CAMK4: variants seen among roughly 807,000 people sequenced by gnomAD.
The protein encoded by CAMK4 is calcium/calmodulin-dependent protein kinase type IV.
CAMK4 carries 22 observed loss-of-function variants against 44.9 expected under a neutral mutation model. The ratio of observed to expected loss-of-function variants is 0.49; its 90% CI spans 0.35 to 0.70. The LOEUF (loss-of-function observed/expected upper bound fraction) is 0.70, where lower values mean the gene tolerates loss of function less well. Among genes scored for constraint, CAMK4 ranks in the 30% least tolerant of loss-of-function variants. CAMK4 has a pLI of 0.01. For missense variants in CAMK4, 498 were observed against 586.8 expected (o/e 0.85, Z 1.56); for synonymous variants, 218 against 215.4 (o/e 1.01, Z -0.11).
intron 1 of CAMK4, among the ~76,000 whole-genome samples, chr5:111,334,667 A>T (rs997325102): frequency 6.6e-6 from 1 of 151,582 alleles, no homozygotes; most frequent in Non-Finnish European, 1.5e-5. Context: ...ATAGAGTTGC[A>T]CACATTATAT....
At chr5:111,457,053 A>T (rs539936697) in intron 7 of CAMK4, among the ~76,000 whole-genome samples, 1 of 152,202 alleles carries the variant, frequency 6.6e-6, no homozygotes, top group East Asian at 1.9e-4. Context: ...ATGGAGGTCA[A>T]TGAGCTGCTC....
intron 7 of CAMK4, among the ~76,000 whole-genome samples, chr5:111,460,029 G>C (rs890775387): frequency 1.3e-5 from 2 of 151,960 alleles, no homozygotes; most frequent in Non-Finnish European, 2.9e-5. Context: ...GATGATGGGA[G>C]GAAAAGAGGT....
At chr5:111,357,948 C>A (rs2112789746) in intron 2 of CAMK4, 1 of 152,104 alleles carries the variant, frequency 6.6e-6, no homozygotes, top group East Asian at 1.9e-4. Context: ...AATTCCAAAT[C>A]TGGGCATTTT....
intron 4 of CAMK4, among the ~76,000 whole-genome samples, chr5:111,383,602 G>A (rs1751493119): frequency 6.6e-6 from 1 of 150,680 alleles, no homozygotes; most frequent in Non-Finnish European, 1.5e-5. Flanking sequence ...GGAATTAGAT[G>A]TGTTACAAGA....
At chr5:111,279,907 G>A (rs2086724901) in intron 1 of CAMK4, among the ~76,000 whole-genome samples, 1 of 152,184 alleles carries the variant, frequency 6.6e-6, no homozygotes, top group South Asian at 2.1e-4. Context: ...GCTAAATTTA[G>A]TGGGTGGTAG....
intron 1 of CAMK4, among the ~76,000 whole-genome samples, chr5:111,256,321 C>G (rs900838555): frequency 7.9e-5 from 12 of 152,018 alleles, no homozygotes; most frequent in African/African-American, 2.9e-4. Context: ...CAAAGAGGAA[C>G]ATGAGTGATA....
At position 111,406,124 on chromosome 5, in the gene CAMK4, T is replaced by C. The variant is rs557388296; in HGVS notation, c.459+11342T>C. Among the ~76,000 whole-genome samples the C allele has an allele frequency of 6.1e-4, 92 of 152,042 alleles. 3 individuals carry two copies. Among genetic ancestry groups the C allele is most frequent in the Middle Eastern group, 6.8e-3 (2 of 294 alleles). On this transcript the variant is annotated intron_variant, in intron 5 of 10. Coordinates refer to ENST00000282356, the MANE Select transcript of CAMK4 (RefSeq NM_001744.6). ...TTTATAAGGTTTTATCTCATTCTCT[T>C]CTATCTGGTCTAGTAGTTCCTCTGA...
chr5:111,298,671 A>C (rs1204651837), intron 1 of CAMK4, among the ~76,000 whole-genome samples: 1 of 152,174 alleles, frequency 6.6e-6, no homozygotes, highest in Non-Finnish European at 1.5e-5. Flanking sequence ...TCATAACTGA[A>C]GAAGCACAAG....
In CAMK4 at chr5:111,454,001, C is replaced by T. The variant is rs190060148; in HGVS notation, c.625+4798C>T. Among the ~76,000 whole-genome samples, 748 of 151,642 alleles carry T rather than the reference C, an allele frequency of 4.9e-3. 5 individuals carry two copies. The highest frequency in any genetic ancestry group is 0.017 in the African/African-American group (710 of 40,948). ...TGTGAAAGGCATGCTCCAGGCTGGA[C>T]GCTTTCTTATCTTTCAGAATTAACA... is the stretch of plus-strand genomic sequence containing the variant. On this transcript the variant is annotated intron_variant, in intron 7 of 10. Transcript: ENST00000282356.
chr5:111,400,206 T>C (rs1024285099), intron 5 of CAMK4, among the ~76,000 whole-genome samples: 1 of 152,172 alleles, frequency 6.6e-6, no homozygotes, highest in African/African-American at 2.4e-5. Context: ...AGAAGCTTTA[T>C]AAAAATCAGA....
chr5:111,271,882 G>A (rs1750531498), intron 1 of CAMK4, among the ~76,000 whole-genome samples: 1 of 152,096 alleles, frequency 6.6e-6, no homozygotes, highest in Admixed American at 6.5e-5. Flanking sequence ...TTCAGCAAAG[G>A]TAGAGAACAA....
At chr5:111,379,943 C>G (rs1751352179) in intron 4 of CAMK4, among the ~76,000 whole-genome samples, 1 of 151,988 alleles carries the variant, frequency 6.6e-6, no homozygotes. Flanking sequence ...GGAATAAAAT[C>G]CATGATTTGT....
intron 5 of CAMK4, among the ~76,000 whole-genome samples, chr5:111,397,923 G>C (rs80285096): frequency 5.3e-5 from 8 of 152,014 alleles, no homozygotes; most frequent in Admixed American, 3.3e-4. Flanking sequence ...ATATCAAAAT[G>C]AAGTAATCTT....
In CAMK4 at chr5:111,224,687, G is replaced by T. The variant is rs1748090106; in HGVS notation, c.161+43G>T. ...GCTGGGGAAGCCCGCGGCGTGCACT[G>T]GGGGTTGTCCCTCTCGCAGCGACGG... On this transcript the variant is annotated intron_variant, in intron 1 of 10. Transcript: ENST00000282356. The surrounding 1 kb of genome is among the most constrained non-coding windows in gnomAD (Gnocchi z 5.7). 2 of 1,575,906 alleles carry T rather than the reference G, an allele frequency of 1.3e-6. No homozygotes were observed. Among genetic ancestry groups the T allele is most frequent in the Non-Finnish European group, 1.7e-6 (2 of 1,160,044 alleles).
intron 7 of CAMK4, among the ~76,000 whole-genome samples, chr5:111,450,975 C>T (rs900265883): frequency 6.6e-6 from 1 of 152,058 alleles, no homozygotes; most frequent in African/African-American, 2.4e-5. Flanking sequence ...CAAAGAAGTA[C>T]TACAAAACTA....
At chr5:111,227,027 T>G (rs1748223615) in intron 1 of CAMK4, among the ~76,000 whole-genome samples, 1 of 152,196 alleles carries the variant, frequency 6.6e-6, no homozygotes, top group South Asian at 2.1e-4. Context: ...AATGTCTTAC[T>G]TAGGCTCTGT....
At chr5:111,323,918 G>A (rs1251816879) in intron 1 of CAMK4, among the ~76,000 whole-genome samples, 1 of 152,060 alleles carries the variant, frequency 6.6e-6, no homozygotes, top group East Asian at 1.9e-4. Context: ...GCAAAATCAA[G>A]TCCCTGAAGT....
At chr5:111,321,168 TA>T (rs1389261863) in intron 1 of CAMK4, among the ~76,000 whole-genome samples, 1 of 152,136 alleles carries the variant, frequency 6.6e-6, no homozygotes, top group East Asian at 1.9e-4. Flanking sequence ...GAGGCAAATG[TA>T]TATGTCAACA....
chr5:111,258,393 C>CTGA (rs1160019764), intron 1 of CAMK4, among the ~76,000 whole-genome samples: 2 of 152,016 alleles, frequency 1.3e-5, no homozygotes, highest in African/African-American at 4.8e-5. Flanking sequence ...AAAGACACAC[C>CTGA]CAAAACTGGG....
Sources: allele counts gnomAD v4.1 joint callset (sites outside exome capture counted in the v4.1 genomes callset), GRCh38; gene constraint gnomAD v4.1.1; non-coding constraint Gnocchi (gnomAD v3.1); transcripts MANE v1.5; gene names NCBI Gene and HGNC (gene_info 2026-07-23, HGNC 2026-07-21).